LRBA: variants seen among roughly 807,000 people sequenced by gnomAD.
LRBA encodes lipopolysaccharide-responsive and beige-like anchor protein.
In LRBA, 176 loss-of-function variants were observed where a neutral mutation model predicts 330.0. The ratio of observed to expected loss-of-function variants is 0.53; its 90% confidence interval spans 0.47 to 0.60. The LOEUF (loss-of-function observed/expected upper bound fraction) is 0.60. Among genes scored for constraint, LRBA ranks in the 20% least tolerant of loss-of-function variants. The pLI is 0.00. For synonymous variants in LRBA, 1,230 were observed against 1,193.0 expected, an observed-to-expected ratio of 1.03 and a Z score of -0.64; for missense variants, 3,259 against 3,444.8, an observed-to-expected ratio of 0.95 and a Z score of 1.35.
intron 50 of LRBA, among the ~76,000 whole-genome samples, chr4:150,318,691 G>T (rs936066370): frequency 6.6e-6 from 1 of 152,178 alleles, no homozygotes; most frequent in Admixed American, 6.5e-5. Context: ...ACTGCCTGTG[G>T]TGTATTCCCA....
At chr4:150,332,410 A>G (rs773811603) in intron 48 of LRBA, among the ~76,000 whole-genome samples, 1 of 152,038 alleles carries the variant, frequency 6.6e-6, no homozygotes, top group African/African-American at 2.4e-5. Flanking sequence ...TTTACTGCCT[A>G]TTTATCTAAT....
chr4:150,756,001 G>A (rs187817254), intron 35 of LRBA, among the ~76,000 whole-genome samples: 1 of 150,628 alleles, frequency 6.6e-6, no homozygotes, highest in Admixed American at 6.6e-5. Flanking sequence ...AGATGAGATG[G>A]TGCCCCTGCA....
At chr4:150,620,050 A>G (rs1271617598) in intron 37 of LRBA, among the ~76,000 whole-genome samples, 1 of 152,172 alleles carries the variant, frequency 6.6e-6, no homozygotes, top group African/African-American at 2.4e-5. Flanking sequence ...GAAATTTGCT[A>G]AACTATACTG....
intron 34 of LRBA, among the ~76,000 whole-genome samples, chr4:150,792,574 C>T (rs116718708): frequency 6.6e-6 from 1 of 152,124 alleles, no homozygotes; most frequent in Admixed American, 6.5e-5. Flanking sequence ...ACCAGTGCGA[C>T]CCTAGCTCAC....
At chr4:150,847,593 T>A (rs1335144850) in intron 26 of LRBA, among the ~76,000 whole-genome samples, 2 of 152,220 alleles carry the variant, frequency 1.3e-5, no homozygotes, top group Non-Finnish European at 2.9e-5. Flanking sequence ...TATCTCTTCA[T>A]ATGACCATGG....
chr4:150,870,603 G>A lies in LRBA; in HGVS notation c.2371C>T (p.Leu791Phe). ...MTTYNVLFEI[L>F]IEQIGTQVIH... ...ACCTGAGTACCAATCTGTTCTATAA[G>A]AATCTACAGAAGTAAAACAATGGAT... Residue 791 changes from leucine (L) to phenylalanine (F), a missense_variant, in exon 20 of 57, where the codon CTT (leucine) becomes TTT (phenylalanine). Physicochemically the swap from Leu to Phe is conservative, Grantham distance 22. Coordinates refer to ENST00000651943, the MANE Select transcript of LRBA (RefSeq NM_001364905.1). 1 of 1,487,042 alleles carries A rather than the reference G, an allele frequency of 6.7e-7. No homozygotes were observed. 92.1% of individuals were successfully genotyped at this position (1,487,042 alleles called of 1,614,324 possible). A position where few individuals can be genotyped will look rare whatever the true frequency, so the allele number is the denominator to read the frequency against.
intron 37 of LRBA, among the ~76,000 whole-genome samples, chr4:150,657,544 T>C (rs1425130387): frequency 6.6e-6 from 1 of 151,982 alleles, no homozygotes; most frequent in Non-Finnish European, 1.5e-5. Flanking sequence ...CCTTTCAAAA[T>C]TTCTGAGATG....
intron 44 of LRBA, among the ~76,000 whole-genome samples, chr4:150,443,853 A>AAAAAAAAAAAAATATAT (rs70941406): frequency 2.7e-5 from 2 of 75,468 alleles, no homozygotes; most frequent in African/African-American, 7.8e-5. Flanking sequence ...TAATTAAAAA[A>AAAAAAAAAAAAATATAT]ATATATATAT....
intron 52 of LRBA, 136 bp downstream of exon 52, chr4:150,310,093 C>T (rs1730862238): frequency 1.7e-6 from 1 of 598,374 alleles, no homozygotes; most frequent in South Asian, 2.3e-5. Context: ...AGAGGGAAAA[C>T]AATGCCCTCT....
At chr4:150,428,236 C>G (rs116253465) in intron 46 of LRBA, among the ~76,000 whole-genome samples, 71 of 152,000 alleles carry the variant, frequency 4.7e-4, no homozygotes, top group African/African-American at 1.6e-3. Context: ...ACTTTACTGA[C>G]CCTACTAACT....
intron 47 of LRBA, among the ~76,000 whole-genome samples, chr4:150,405,925 C>T (rs747203748): frequency 3.9e-5 from 6 of 151,940 alleles, no homozygotes; most frequent in Non-Finnish European, 8.8e-5. Context: ...TGTAGTGGCA[C>T]ACGTTTGTAC....
At chr4:150,523,757 G>T (rs182179259) in intron 40 of LRBA, among the ~76,000 whole-genome samples, 86 of 152,126 alleles carry the variant, frequency 5.7e-4, no homozygotes, top group African/African-American at 2.1e-3. Context: ...TCCTCAGAGG[G>T]AGGTGGGAAG....
At chr4:150,932,322 T>C (rs560769820) in intron 2 of LRBA, among the ~76,000 whole-genome samples, 1 of 145,742 alleles carries the variant, frequency 6.9e-6, no homozygotes, top group South Asian at 2.2e-4. Flanking sequence ...TGAAAAAAAA[T>C]TTTTAAAAGA....
At chr4:150,527,009 TCTA>T (rs1261054868) in intron 40 of LRBA, among the ~76,000 whole-genome samples, 1 of 149,400 alleles carries the variant, frequency 6.7e-6, no homozygotes, top group African/African-American at 2.5e-5. Flanking sequence ...CTTCTTTTCT[TCTA>T]CTTTTTTTTT....
chr4:150,780,791 A>C (rs768737141), intron 34 of LRBA, among the ~76,000 whole-genome samples: 1 of 151,642 alleles, frequency 6.6e-6, no homozygotes, highest in African/African-American at 2.4e-5. Flanking sequence ...TTCATGGAAG[A>C]CAATTTTTCC....
intron 37 of LRBA, among the ~76,000 whole-genome samples, chr4:150,661,760 A>G (rs1298266243): frequency 3.3e-5 from 5 of 151,922 alleles, no homozygotes; most frequent in South Asian, 2.1e-4. Flanking sequence ...ACAGGAGCCC[A>G]CCATCACACC....
chr4:150,775,855 AGGACGAGTAAG>A (rs1314451144), intron 34 of LRBA, among the ~76,000 whole-genome samples: 29 of 148,458 alleles, frequency 2.0e-4, no homozygotes, highest in African/African-American at 6.4e-4. Flanking sequence ...GGGGAGAGGA[AGGACGAGTAAG>A]GGAAGAGAGG....
chr4:150,840,964 C>A, intron 28 of LRBA: 1 of 1,224,562 alleles, frequency 8.2e-7, no homozygotes, highest in Non-Finnish European at 1.1e-6. Flanking sequence ...TTGAACATAT[C>A]CACTTGATGC....
At chr4:150,754,541 A>AGAG (rs35772422) in intron 35 of LRBA, among the ~76,000 whole-genome samples, 7 of 119,148 alleles carry the variant, frequency 5.9e-5, no homozygotes, top group South Asian at 3.2e-4. Context: ...AAAAAAAAAA[A>AGAG]AGAGAGAGAG....
Sources: allele counts gnomAD v4.1 joint callset (sites outside exome capture counted in the v4.1 genomes callset), GRCh38; gene constraint gnomAD v4.1.1; transcripts MANE v1.5; gene names NCBI Gene and HGNC (gene_info 2026-07-23, HGNC 2026-07-21).